Variants in ATP8A1 observed in about 807,000 individuals in gnomAD.
The protein encoded by ATP8A1 is ATPase phospholipid transporting 8A1.
Under a neutral mutation model 177.7 loss-of-function variants are expected in ATP8A1, and 90 were observed. The ratio of observed to expected loss-of-function variants is 0.51; its 90% confidence interval spans 0.43 to 0.60. ATP8A1 has a LOEUF of 0.60. Ranked by LOEUF, ATP8A1 falls within the 20% of genes least tolerant of loss-of-function variation. ATP8A1 has a pLI of 0.00. For missense variants in ATP8A1, 1,072 were observed against 1,392.8 expected (o/e 0.77, Z 3.67); for synonymous variants, 493 against 485.9 (o/e 1.01, Z -0.19).
At chr4:42,585,445 A>G (rs1236253423) in intron 9 of ATP8A1, among the ~76,000 whole-genome samples, 1 of 149,830 alleles carries the variant, frequency 6.7e-6, no homozygotes, top group Non-Finnish European at 1.5e-5. Context: ...GGTGTATCAG[A>G]AGGTGGGGAC....
At chr4:42,649,172 G>T (rs1224342253) in intron 1 of ATP8A1, among the ~76,000 whole-genome samples, 2 of 152,102 alleles carry the variant, frequency 1.3e-5, no homozygotes, top group African/African-American at 2.4e-5. Flanking sequence ...AAGTTATTCT[G>T]TACTAACATA....
intron 29 of ATP8A1, among the ~76,000 whole-genome samples, chr4:42,453,063 C>T (rs1718104103): frequency 6.6e-6 from 1 of 152,210 alleles, no homozygotes; most frequent in Non-Finnish European, 1.5e-5. Flanking sequence ...CTCACTGTGT[C>T]ATTACCACAA....
intron 1 of ATP8A1, among the ~76,000 whole-genome samples, chr4:42,635,778 C>CATATATATAT (rs1279984098): frequency 6.1e-3 from 206 of 33,532 alleles, no homozygotes; most frequent in Non-Finnish European, 8.2e-3. Flanking sequence ...CACACACACA[C>CATATATATAT]ACACATATAT....
At chr4:42,428,235 G>C (rs1252565470) in intron 33 of ATP8A1, among the ~76,000 whole-genome samples, 3 of 152,200 alleles carry the variant, frequency 2.0e-5, no homozygotes, top group Non-Finnish European at 4.4e-5. Context: ...ATCACCTGTG[G>C]CTTAGATTTC....
chr4:42,623,688 C>T (rs189583856), intron 4 of ATP8A1, among the ~76,000 whole-genome samples: 23 of 151,938 alleles, frequency 1.5e-4, no homozygotes, highest in African/African-American at 4.3e-4. Context: ...CATACTGAGG[C>T]GCATTGGAGG....
intron 23 of ATP8A1, among the ~76,000 whole-genome samples, chr4:42,503,977 C>T (rs1724108942): frequency 6.6e-6 from 1 of 152,128 alleles, no homozygotes; most frequent in Non-Finnish European, 1.5e-5. Context: ...ACCTTCCTAC[C>T]CTCTCTTGCT....
chr4:42,551,155 G>A (rs759152581), intron 18 of ATP8A1, 43 bp downstream of exon 18: 1 of 1,473,978 alleles, frequency 6.8e-7, no homozygotes, highest in South Asian at 1.1e-5. Context: ...CTATGCAAAT[G>A]TATTACTTGG....
chr4:42,492,089 G>T (rs1011864887), intron 24 of ATP8A1, among the ~76,000 whole-genome samples: 5 of 152,194 alleles, frequency 3.3e-5, no homozygotes, highest in Middle Eastern at 3.4e-3. Context: ...TCTCATATAT[G>T]TCCCAGAGGG....
chr4:42,508,453 A>C (rs1020791880), intron 22 of ATP8A1, among the ~76,000 whole-genome samples: 3 of 152,186 alleles, frequency 2.0e-5, no homozygotes, highest in African/African-American at 7.2e-5. Context: ...CATGAGAAAG[A>C]ATGGTTTCTA....
rs535333899 is a variant in ATP8A1, at chr4:42,598,333, T to C, written c.450+2145A>G. On this transcript the variant is annotated intron_variant, in intron 6 of 36. Transcript: ENST00000381668. The stretch of plus-strand genomic sequence containing the variant: ...CCTTTTTCAAATATTAAACAGGCCT[T>C]ATTTCAGGGCACTATATTTTATTCT... 1.3e-4 allele frequency among the ~76,000 whole-genome samples: 20 copies of C among 152,262 alleles called. No homozygotes were observed. The South Asian group carries it at 3.3e-3, about 25-fold the overall frequency.
chr4:42,626,921 G>A, intron 2 of ATP8A1, 74 bp downstream of exon 2: 2 of 1,139,434 alleles, frequency 1.8e-6, no homozygotes, highest in East Asian at 2.4e-5. Flanking sequence ...AAAGCTCTTT[G>A]CAAGCATTTT....
At position 42,590,947 on chromosome 4, in the gene ATP8A1, A is replaced by C. The variant is rs1331784331; in HGVS notation, c.451-63T>G. The C allele has an allele frequency of 5.0e-6, 7 of 1,409,912 alleles. No homozygotes were observed. In the East Asian group the frequency reaches 6.8e-5, roughly 14 times the overall value. 87.3% of individuals were successfully genotyped at this position (1,409,912 alleles called of 1,614,324 possible). On this transcript the variant is annotated intron_variant, in intron 6 of 36. Transcript: ENST00000381668. ...AAAAAAAATGAACAGAGGAAAAAAA[A>C]CAAACAAATGGACAAAAGAGACAGA...
At chr4:42,481,211 C>T (rs1022941895) in intron 25 of ATP8A1, among the ~76,000 whole-genome samples, 1 of 152,190 alleles carries the variant, frequency 6.6e-6, no homozygotes, top group Non-Finnish European at 1.5e-5. Flanking sequence ...AAAGACTGTT[C>T]CCAGCAGAGT....
At chr4:42,532,749 G>A (rs1298684903) in intron 20 of ATP8A1, among the ~76,000 whole-genome samples, 1 of 152,192 alleles carries the variant, frequency 6.6e-6, no homozygotes, top group Non-Finnish European at 1.5e-5. Flanking sequence ...TATCCCCTGT[G>A]ACTTGCATGT....
intron 1 of ATP8A1, among the ~76,000 whole-genome samples, chr4:42,630,283 A>C (rs867716894): frequency 6.6e-6 from 1 of 152,188 alleles, no homozygotes; most frequent in Non-Finnish European, 1.5e-5. Flanking sequence ...ATGGAGTTCT[A>C]TTCCTCGTTT....
chr4:42,510,706 A>T lies in ATP8A1; in HGVS notation c.1948-3552T>A, dbSNP rs187647751. Among the ~76,000 whole-genome samples the T allele has an allele frequency of 4.6e-4, 70 of 152,146 alleles. No individual in the cohort carries two copies. The Middle Eastern group carries it at 0.01, about 22-fold the overall frequency. On this transcript the variant is annotated intron_variant, in intron 22 of 36. Coordinates refer to ENST00000381668, the MANE Select transcript of ATP8A1 (RefSeq NM_006095.2). ...AATATTTTGTATATTTTCTGTCTCT[A>T]CTCTAAGGGGAAAAATGAGCTCAGA...
intron 22 of ATP8A1, 137 bp downstream of exon 22, chr4:42,522,023 C>G (rs762125111): frequency 4.2e-6 from 4 of 951,466 alleles, no homozygotes; most frequent in Non-Finnish European, 6.0e-6. Context: ...CTTGTTAATG[C>G]TTAGATGATG....
rs1738549355 is a variant in ATP8A1, at chr4:42,629,936, C to T, written c.50-2827G>A. On this transcript the variant is annotated intron_variant, in intron 1 of 36. Transcript: ENST00000381668. Reference sequence around the variant, plus strand: ...CTCTTTCCATGTAAAGAGAAACGGACTCTTCCATTTGATTAATGAACCAAC... The same window carrying T: ...CTCTTTCCATGTAAAGAGAAACGGATTCTTCCATTTGATTAATGAACCAAC... 2.0e-5 allele frequency among the ~76,000 whole-genome samples: 3 copies of T among 152,336 alleles called. No individual in the cohort carries two copies. In the South Asian group the frequency reaches 6.2e-4, roughly 32 times the overall value.
At chr4:42,435,320 G>C (rs564789597) in intron 33 of ATP8A1, among the ~76,000 whole-genome samples, 5 of 151,878 alleles carry the variant, frequency 3.3e-5, no homozygotes, top group Non-Finnish European at 5.9e-5. Context: ...CAGCTACTCA[G>C]GAGGCTGAGG....
Sources: allele counts gnomAD v4.1 joint callset (sites outside exome capture counted in the v4.1 genomes callset), GRCh38; gene constraint gnomAD v4.1.1; transcripts MANE v1.5; gene names NCBI Gene and HGNC (gene_info 2026-07-23, HGNC 2026-07-21).